RMC1: variants seen among roughly 807,000 people sequenced by gnomAD.
RMC1 encodes regulator of MON1-CCZ1.
In RMC1, 44 loss-of-function variants were observed where a neutral mutation model predicts 95.5. The ratio of observed to expected loss-of-function variants is 0.46; its 90% confidence interval spans 0.36 to 0.59. The LOEUF is 0.59. Among genes scored for constraint, RMC1 ranks in the 20% least tolerant of loss-of-function variants. The pLI is 0.00. For synonymous variants in RMC1, 320 were observed against 303.6 expected (o/e 1.05, Z -0.56); for missense variants, 705 against 819.6 (o/e 0.86, Z 1.71).
chr18:23,531,784 G>GTTATAAA lies in RMC1; in HGVS notation c.*81_*87dup. The GTTATAAA allele has an allele frequency of 6.4e-7, 1 of 1,553,222 alleles. No individual in the cohort carries two copies. The highest frequency in any genetic ancestry group is 2.1e-5 in the Admixed American group (1 of 48,528). On this transcript the variant is annotated 3_prime_UTR_variant, in exon 20 of 20. Transcript: ENST00000269221. ...AATAAAGCTCTTTAAACTATAAAAT[G>GTTATAAA]TTATAAAGTGTATCTACAACCTCAA...
At chr18:23,509,303 T>C in intron 5 of RMC1, 24 bp downstream of exon 5, 1 of 1,280,778 alleles carries the variant, frequency 7.8e-7, no homozygotes, top group Non-Finnish European at 1.0e-6. Context: ...CATTTATGTT[T>C]GTTGGTTAAA....
At chr18:23,506,508 G>C (rs2057720749) in intron 2 of RMC1, 1 of 160,070 alleles carries the variant, frequency 6.2e-6, no homozygotes, top group Non-Finnish European at 1.4e-5. Flanking sequence ...TACAGGTGTA[G>C]GCCGCTGTGC....
intron 14 of RMC1, 21 bp from the exon 15 acceptor site, chr18:23,529,158 T>A (rs1441779212): frequency 1.9e-6 from 3 of 1,604,794 alleles, no homozygotes; most frequent in East Asian, 4.5e-5. Flanking sequence ...AAGATCATAG[T>A]TTGTGGTTTT....
intron 9 of RMC1, among the ~76,000 whole-genome samples, chr18:23,519,803 C>T (rs1019006003): frequency 5.9e-5 from 9 of 152,050 alleles, no homozygotes; most frequent in South Asian, 2.1e-4. Flanking sequence ...GTTTTGAGGC[C>T]GTGTGGACCA....
intron 5 of RMC1, among the ~76,000 whole-genome samples, chr18:23,514,035 G>A (rs1046268746): frequency 6.6e-6 from 1 of 152,120 alleles, no homozygotes; most frequent in African/African-American, 2.4e-5. Flanking sequence ...ATCTGTTCCA[G>A]CTTCCTGACC....
In RMC1 at chr18:23,530,486, A is replaced by G; in HGVS notation, c.1768A>G (p.Asn590Asp). 2 of 1,614,106 alleles carry G rather than the reference A, an allele frequency of 1.2e-6. No individual in the cohort carries two copies. Among genetic ancestry groups the G allele is most frequent in the Middle Eastern group, 3.3e-4 (2 of 6,062 alleles). ...TATCCGGGGCATTGGTGGCCATGAC[A>G]ACATTTCTGCACGAAAATTTTTAGA... The part of the protein sequence containing the change: ...RFIRGIGGHD[N>D]ISARKFLDAA... Residue 590 changes from asparagine (N) to aspartate (D), a missense_variant, in exon 19 of 20, where the codon AAC (asparagine) becomes GAC (aspartate). Physicochemically the swap from Asn to Asp is conservative, Grantham distance 23. Transcript: ENST00000269221.
At chr18:23,529,789 GA>G in intron 16 of RMC1, 77 bp downstream of exon 16, 4 of 1,402,498 alleles carry the variant, frequency 2.9e-6, no homozygotes, top group Non-Finnish European at 4.0e-6. Flanking sequence ...CTTAGAAGAT[GA>G]CTCATATGCT....
At chr18:23,529,117 C>G in intron 14 of RMC1, 62 bp from the exon 15 acceptor site, 1 of 1,573,558 alleles carries the variant, frequency 6.4e-7, no homozygotes, top group South Asian at 1.2e-5. Context: ...TGTGGATGAA[C>G]TGTAAACAGC....
At chr18:23,524,654 T>C (rs2058241240) in intron 12 of RMC1, among the ~76,000 whole-genome samples, 172 bp downstream of exon 12, 1 of 152,114 alleles carries the variant, frequency 6.6e-6, no homozygotes, top group Non-Finnish European at 1.5e-5. Flanking sequence ...TATGTGCATT[T>C]TATCAAGAAC....
At chr18:23,531,419 C>A (rs2058500885) in intron 19 of RMC1, 1 of 1,063,740 alleles carries the variant, frequency 9.4e-7, no homozygotes, top group Non-Finnish European at 1.3e-6. Context: ...CATTTAGTTA[C>A]CATAAGGACA....
At chr18:23,503,872 G>A (rs2057652262) in intron 1 of RMC1, 152 bp downstream of exon 1, 1 of 636,986 alleles carries the variant, frequency 1.6e-6, no homozygotes, top group South Asian at 2.9e-5. Flanking sequence ...TTCCTTGTTG[G>A]GTGGGCTCAG....
chr18:23,504,189 G>C (rs2057658737), intron 1 of RMC1, among the ~76,000 whole-genome samples, 182 bp from the exon 2 acceptor site: 1 of 152,218 alleles, frequency 6.6e-6, no homozygotes, highest in South Asian at 2.1e-4. Context: ...CATCCTTTTC[G>C]CTCTCTGCTC....
At chr18:23,526,838 G>A (rs2058311819) in intron 13 of RMC1, 73 bp downstream of exon 13, 1 of 1,558,692 alleles carries the variant, frequency 6.4e-7, no homozygotes, top group African/African-American at 1.4e-5. Flanking sequence ...TTATCGGGAT[G>A]TGGGCTACAT....
rs2058514257 is a variant in RMC1 at position 23,531,696 on chromosome 18, A to G, written c.1966A>G (p.Thr656Ala). The G allele has an allele frequency of 5.0e-6, 8 of 1,607,958 alleles. No homozygotes were observed. The highest frequency in any genetic ancestry group is 5.9e-6 in the Non-Finnish European group (7 of 1,178,712). ...FGDQALMRPT[T>A]F Reference sequence around the variant, plus strand: ...AGACCAAGCTCTAATGAGGCCTACAACATTCTGAAATCACTTGCTGTTTTT... The same window carrying G: ...AGACCAAGCTCTAATGAGGCCTACAGCATTCTGAAATCACTTGCTGTTTTT... The change falls in exon 20 of 20, where the codon ACA (threonine) becomes GCA (alanine). Residue 656 changes from threonine to alanine, a missense_variant. Coordinates refer to ENST00000269221, the MANE Select transcript of RMC1 (RefSeq NM_013326.5).
At chr18:23,525,481 G>A (rs9956921) in intron 12 of RMC1, among the ~76,000 whole-genome samples, 34,653 of 151,730 alleles carry the variant, frequency 0.23, 4,298 homozygotes, top group African/African-American at 0.32. Context: ...CTGGAGTGCA[G>A]TGGTGCCATC....
intron 3 of RMC1, 119 bp from the exon 4 acceptor site, chr18:23,507,866 T>C: frequency 2.5e-6 from 2 of 790,296 alleles, no homozygotes; most frequent in South Asian, 3.2e-5. Flanking sequence ...TGTCTTCAGT[T>C]ATTTTCTGGT....
chr18:23,507,026 T>G lies in RMC1; in HGVS notation c.236T>G (p.Leu79Trp), dbSNP rs746347209. ...CIKFSLENKILAVQRTSKTVD... is the reference protein window; with the variant it reads ...CIKFSLENKIWAVQRTSKTVD... ...AAGTTTTCCTTAGAAAATAAGATAT[T>G]GGCTGTTCAGAGGACCTCAAAGACT... The change falls in exon 3 of 20, where the codon TTG becomes TGG. Residue 79 changes from leucine to tryptophan, a missense_variant. Transcript: ENST00000269221. 6.2e-7 allele frequency: 1 copy of G among 1,609,596 alleles called. No individual in the cohort carries two copies.
At chr18:23,504,247 T>G (rs1017559526) in intron 1 of RMC1, 124 bp from the exon 2 acceptor site, 1 of 760,928 alleles carries the variant, frequency 1.3e-6, no homozygotes, top group Admixed American at 2.1e-5. Context: ...TACCTTGATA[T>G]GTGCCGTGTT....
chr18:23,529,382 A>C, intron 15 of RMC1, 84 bp downstream of exon 15: 2 of 1,515,570 alleles, frequency 1.3e-6, no homozygotes, highest in Non-Finnish European at 1.8e-6. Flanking sequence ...TCATGTGATT[A>C]GAGTCACTTG....
Sources: allele counts gnomAD v4.1 joint callset (sites outside exome capture counted in the v4.1 genomes callset), GRCh38; gene constraint gnomAD v4.1.1; transcripts MANE v1.5; gene names NCBI Gene and HGNC (gene_info 2026-07-23, HGNC 2026-07-21).